Variants in ACAD10 observed in about 807,000 individuals in gnomAD.
ACAD10 encodes ACAD-10.
Under a neutral mutation model 116.8 loss-of-function variants are expected in ACAD10, and 112 were observed. The observed-to-expected ratio is 0.96, with a 90% CI of 0.82 to 1.12. The LOEUF is 1.12. ACAD10 is among the 50% of genes most tolerant of loss of function. The pLI is 0.00. For missense variants in ACAD10, 1,259 were observed against 1,350.2 expected, an observed-to-expected ratio of 0.93 and a Z score of 1.06; for synonymous variants, 486 against 510.6, an observed-to-expected ratio of 0.95 and a Z score of 0.65.
intron 17 of ACAD10, 141 bp downstream of exon 17, chr12:111,748,616 A>C (rs1889984164): frequency 1.1e-6 from 1 of 899,390 alleles, no homozygotes; most frequent in African/African-American, 1.7e-5. Flanking sequence ...ATGCTCCTGC[A>C]TTTCATTTCC....
chr12:111,706,057 G>A, intron 4 of ACAD10, 125 bp downstream of exon 4: 1 of 1,012,486 alleles, frequency 9.9e-7, no homozygotes, highest in Non-Finnish European at 1.5e-6. Context: ...ACTTGACTAA[G>A]TTAGGTTTAA....
chr12:111,721,801 T>G, intron 8 of ACAD10, 62 bp downstream of exon 8: 1 of 1,393,314 alleles, frequency 7.2e-7, no homozygotes, highest in Middle Eastern at 1.9e-4. Flanking sequence ...GCCCATATGC[T>G]AACACAAATT....
chr12:111,688,755 T>C (rs1014463103), intron 1 of ACAD10, among the ~76,000 whole-genome samples: 1 of 148,928 alleles, frequency 6.7e-6, no homozygotes, highest in Non-Finnish European at 1.5e-5. Flanking sequence ...TGAGCCGAGA[T>C]CACACCATTG....
intron 5 of ACAD10, 40 bp downstream of exon 5, chr12:111,709,724 G>A (rs756865540): frequency 6.5e-7 from 1 of 1,542,122 alleles, no homozygotes. Flanking sequence ...CCATGCACCA[G>A]CCACTAATGC....
intron 4 of ACAD10, among the ~76,000 whole-genome samples, chr12:111,708,741 TAGG>T (rs1711345837): frequency 6.6e-6 from 1 of 152,024 alleles, no homozygotes; most frequent in African/African-American, 2.4e-5. Context: ...GCCCACTCTA[TAGG>T]AGATTACGCC....
At chr12:111,743,527 G>A (rs1889808749) in intron 12 of ACAD10, among the ~76,000 whole-genome samples, 1 of 151,864 alleles carries the variant, frequency 6.6e-6, no homozygotes, top group Non-Finnish European at 1.5e-5. Context: ...AGTAGAGACA[G>A]GTTTCACCAT....
chr12:111,723,462 G>A (rs1430754748), intron 8 of ACAD10, among the ~76,000 whole-genome samples: 18 of 134,170 alleles, frequency 1.3e-4, no homozygotes, highest in African/African-American at 3.6e-4. Flanking sequence ...CTGGCCGGGC[G>A]GGGGGCTGAC....
chr12:111,726,854 C>T (rs1261703664), intron 8 of ACAD10, among the ~76,000 whole-genome samples: 1 of 151,824 alleles, frequency 6.6e-6, no homozygotes, highest in Non-Finnish European at 1.5e-5. Context: ...GAGCGAGACT[C>T]CATCTCAACA....
chr12:111,724,201 C>T (rs369990357), intron 8 of ACAD10, among the ~76,000 whole-genome samples: 22 of 148,674 alleles, frequency 1.5e-4, no homozygotes, highest in Admixed American at 4.1e-4. Flanking sequence ...CGGGCAGAGA[C>T]GCTCCTCACT....
Position 111,744,686 on chromosome 12 carries a change from C to T in ACAD10, c.1758C>T (p.Thr586=), listed in dbSNP as rs762847508. 1 of 1,614,126 alleles carries T rather than the reference C, an allele frequency of 6.2e-7. No homozygotes were observed. The highest frequency in any genetic ancestry group is 8.5e-7 in the Non-Finnish European group (1 of 1,180,000). ...STYAEQTGKL[T]EFVSNLAWDF... ...ATGCGGAACAAACTGGAAAGCTGACCGAATTTGTGTCTAACCTGGCGTGGG... is the reference window on the plus strand; with the variant it reads ...ATGCGGAACAAACTGGAAAGCTGACTGAATTTGTGTCTAACCTGGCGTGGG... The change falls in exon 13 of 21, where the codon ACC becomes ACT. Residue 586 remains threonine, a synonymous_variant. Transcript: ENST00000313698.
intron 1 of ACAD10, among the ~76,000 whole-genome samples, chr12:111,690,102 A>G (rs557449066): frequency 1.1e-4 from 16 of 152,320 alleles, no homozygotes; most frequent in Middle Eastern, 3.4e-3. Context: ...TGAGAAACAC[A>G]TTATATTCAA....
At chr12:111,715,522 A>T (rs1888815257) in intron 6 of ACAD10, 1 of 346,794 alleles carries the variant, frequency 2.9e-6, no homozygotes, top group South Asian at 4.1e-5. Flanking sequence ...TTATTCATGG[A>T]GCAGGAGCTG....
At chr12:111,734,757 A>T (rs780676020) in intron 11 of ACAD10, among the ~76,000 whole-genome samples, 15 of 152,222 alleles carry the variant, frequency 9.9e-5, no homozygotes, top group Non-Finnish European at 1.9e-4. Context: ...TATCCATGTC[A>T]TCTTTTCTTC....
chr12:111,711,816 T>C (rs951581583), intron 5 of ACAD10, among the ~76,000 whole-genome samples: 2 of 152,196 alleles, frequency 1.3e-5, no homozygotes, highest in African/African-American at 4.8e-5. Context: ...CCAGCTATGC[T>C]AACATTTTTA....
At chr12:111,750,815 C>A (rs374806013) in intron 18 of ACAD10, among the ~76,000 whole-genome samples, 1 of 152,154 alleles carries the variant, frequency 6.6e-6, no homozygotes, top group Non-Finnish European at 1.5e-5. Flanking sequence ...AGAAAGGTGA[C>A]GCAAACCCTG....
chr12:111,736,512 A>C (rs1211352171), intron 11 of ACAD10, among the ~76,000 whole-genome samples: 1 of 152,090 alleles, frequency 6.6e-6, no homozygotes, highest in Admixed American at 6.5e-5. Flanking sequence ...TTTCCATATC[A>C]TTTTTGATCA....
intron 8 of ACAD10, among the ~76,000 whole-genome samples, chr12:111,726,792 C>T (rs774746647): frequency 6.6e-5 from 10 of 151,820 alleles, no homozygotes; most frequent in African/African-American, 1.7e-4. Flanking sequence ...ACCCGGGAGG[C>T]GGAGGTTGCA....
intron 11 of ACAD10, among the ~76,000 whole-genome samples, chr12:111,735,193 G>A (rs376839825): frequency 3.4e-5 from 5 of 148,794 alleles, no homozygotes; most frequent in African/African-American, 4.9e-5. Context: ...CACTGCACTC[G>A]AGCCTAGGCA....
chr12:111,722,178 C>A (rs563670030), intron 8 of ACAD10, among the ~76,000 whole-genome samples: 19 of 152,136 alleles, frequency 1.2e-4, no homozygotes, highest in African/African-American at 2.7e-4. Context: ...TCTGCTGCCT[C>A]AGTCTCCTGA....
Sources: gnomAD v4.1 joint callset for allele counts (sites outside exome capture counted in the v4.1 genomes callset) on GRCh38, gnomAD v4.1.1 for gene constraint, MANE v1.5 for transcripts, NCBI Gene and HGNC (gene_info 2026-07-23, HGNC 2026-07-21) for gene names.